Variants in HECW2 observed in about 807,000 individuals in gnomAD.
HECW2 encodes the protein E3 ubiquitin-protein ligase HECW2.
HECW2 carries 61 observed loss-of-function variants against 175.2 expected under a neutral mutation model. That is an observed-to-expected ratio of 0.35 (90% confidence interval 0.28 to 0.43). The LOEUF is 0.43. Among genes scored for constraint, HECW2 ranks in the 20% least tolerant of loss-of-function variants. HECW2 has a pLI of 1.00. For synonymous variants in HECW2, 671 were observed against 731.0 expected (o/e 0.92, Z 1.32); for missense variants, 1,524 against 2,000.5 (o/e 0.76, Z 4.54).
At chr2:196,209,987 TCTC>T (rs1230131784) in intron 28 of HECW2, among the ~76,000 whole-genome samples, 1 of 152,066 alleles carries the variant, frequency 6.6e-6, no homozygotes, top group Non-Finnish European at 1.5e-5. Flanking sequence ...ATGGTCTCCA[TCTC>T]CTGACCTCGT....
intron 2 of HECW2, among the ~76,000 whole-genome samples, chr2:196,427,345 C>T (rs192002290): frequency 6.4e-4 from 98 of 152,180 alleles, no homozygotes; most frequent in Non-Finnish European, 8.1e-4. Flanking sequence ...TGTGCACTTT[C>T]GTAGTTCTGT....
chr2:196,448,295 C>T (rs1337142692), intron 1 of HECW2, among the ~76,000 whole-genome samples: 2 of 152,100 alleles, frequency 1.3e-5, no homozygotes, highest in African/African-American at 2.4e-5. Context: ...CCTGTCTATC[C>T]TCCGCTCCCA....
rs1245608787 is a variant in HECW2 at position 196,319,361 on chromosome 2, T to A, written c.1529A>T (p.Asp510Val). 5 of 1,614,198 alleles carry A rather than the reference T, an allele frequency of 3.1e-6. No individual in the cohort carries two copies. In the East Asian group the frequency reaches 1.1e-4, roughly 36 times the overall value. The stretch of plus-strand genomic sequence containing the variant: ...GGCTTCCTCATTCTCAACAGGGTTG[T>A]CCTCCAGCTTTGTCTGAGATGTCAG... Reference protein sequence around the residue: ...GSLTSQTKLEDNPVENEEAST... With the variant: ...GSLTSQTKLEVNPVENEEAST... The change falls in exon 9 of 29, where the codon GAC (aspartate) becomes GTC (valine). Residue 510 changes from aspartate (D) to valine (V), a missense_variant. By Grantham distance (152) the Asp-to-Val change is radical. Around this residue, in one of 11 missense-constraint regions of HECW2, gnomAD observed 604 missense variants for 588.3 expected, o/e 1.03. Coordinates refer to ENST00000644978, the MANE Select transcript of HECW2 (RefSeq NM_001348768.2).
chr2:196,457,099 G>C (rs1316764980), intron 1 of HECW2, among the ~76,000 whole-genome samples: 1 of 152,190 alleles, frequency 6.6e-6, no homozygotes. Flanking sequence ...CTAATGAGTA[G>C]GTACGGCATG....
chr2:196,434,380 T>C (rs1177560237), intron 1 of HECW2, among the ~76,000 whole-genome samples: 2 of 152,190 alleles, frequency 1.3e-5, no homozygotes, highest in Non-Finnish European at 2.9e-5. Context: ...TGGATCATGA[T>C]AAGCTATTTC....
chr2:196,563,853 T>C (rs1271690606), intron 1 of HECW2, among the ~76,000 whole-genome samples: 1 of 152,172 alleles, frequency 6.6e-6, no homozygotes, highest in Admixed American at 6.5e-5. Context: ...AATTAGAACA[T>C]AATCCCTTTG....
chr2:196,334,330 G>T, intron 4 of HECW2, 94 bp downstream of exon 4: 2 of 894,126 alleles, frequency 2.2e-6, no homozygotes, highest in South Asian at 1.6e-5. Context: ...CTTTTTCATT[G>T]TTCCTCATAA....
chr2:196,241,711 T>C (rs534425215), intron 20 of HECW2, among the ~76,000 whole-genome samples: 1 of 152,312 alleles, frequency 6.6e-6, no homozygotes, highest in East Asian at 1.9e-4. Context: ...GCACTATTCC[T>C]ACACTCAGGT....
At chr2:196,415,774 T>A (rs914457791) in intron 2 of HECW2, among the ~76,000 whole-genome samples, 1 of 152,100 alleles carries the variant, frequency 6.6e-6, no homozygotes, top group Admixed American at 6.6e-5. Flanking sequence ...CAAGTTTCTG[T>A]AAAAATGAAA....
At chr2:196,552,714 A>G (rs114683495) in intron 1 of HECW2, among the ~76,000 whole-genome samples, 1,832 of 151,796 alleles carry the variant, frequency 0.012, 40 homozygotes, top group African/African-American at 0.042. Flanking sequence ...GCTTCCTCTC[A>G]TTCTTTCTCT....
chr2:196,517,456 T>C (rs904995185), intron 1 of HECW2, among the ~76,000 whole-genome samples: 9 of 152,214 alleles, frequency 5.9e-5, no homozygotes, highest in African/African-American at 2.2e-4. Flanking sequence ...AAAATTTTAT[T>C]ACAATATTTC....
chr2:196,235,645 A>ATTT (rs1559454147), intron 21 of HECW2, among the ~76,000 whole-genome samples: 5 of 100,494 alleles, frequency 5.0e-5, no homozygotes, highest in African/African-American at 1.5e-4. Flanking sequence ...TAGATGCATT[A>ATTT]TTCTTTTTTT....
At chr2:196,532,597 T>C (rs1339561851) in intron 1 of HECW2, among the ~76,000 whole-genome samples, 1 of 152,106 alleles carries the variant, frequency 6.6e-6, no homozygotes, top group African/African-American at 2.4e-5. Context: ...CTGCACATTC[T>C]GCACATGTAG....
intron 14 of HECW2, chr2:196,290,147 C>A (rs1690553327): frequency 6.6e-6 from 1 of 152,090 alleles, no homozygotes; most frequent in Admixed American, 6.6e-5. Context: ...CAGCTCTCTA[C>A]CAGCCTACAC....
intron 2 of HECW2, among the ~76,000 whole-genome samples, chr2:196,382,233 A>G (rs73988191): frequency 0.01 from 1,005 of 99,240 alleles, 19 homozygotes; most frequent in African/African-American, 0.048. Context: ...GTGTGTGTAT[A>G]TATATATATA....
chr2:196,478,528 A>T (rs1258220396), intron 1 of HECW2, among the ~76,000 whole-genome samples: 1 of 152,144 alleles, frequency 6.6e-6, no homozygotes, highest in African/African-American at 2.4e-5. Context: ...GTGGATTAAA[A>T]CGGTATCTTG....
chr2:196,585,133 T>C (rs974330020), intron 1 of HECW2, among the ~76,000 whole-genome samples: 7 of 152,218 alleles, frequency 4.6e-5, no homozygotes, highest in African/African-American at 1.7e-4. Context: ...AGGTATACCA[T>C]ACATACCAAC....
chr2:196,519,901 G>C (rs560453276), intron 1 of HECW2, among the ~76,000 whole-genome samples: 1 of 152,302 alleles, frequency 6.6e-6, no homozygotes, highest in South Asian at 2.1e-4. Flanking sequence ...CACTCCCAGA[G>C]GAAGTGATCT....
At chr2:196,331,202 C>A in intron 4 of HECW2, 1 of 985,420 alleles carries the variant, frequency 1.0e-6, no homozygotes, top group Non-Finnish European at 1.2e-6. Flanking sequence ...TTCCTTCCAT[C>A]TATAGATCCA....
Sources: allele counts gnomAD v4.1 joint callset (sites outside exome capture counted in the v4.1 genomes callset), GRCh38; gene constraint gnomAD v4.1.1; regional missense constraint gnomAD v4.1.1; transcripts MANE v1.5; gene names NCBI Gene and HGNC (gene_info 2026-07-23, HGNC 2026-07-21).